The following RC3H1 variants were observed in gnomAD, a reference collection of about 807,000 sequenced individuals.
RC3H1 encodes the protein ring finger and CCCH-type domains 1.
RC3H1 carries 50 observed loss-of-function variants against 138.2 expected under a neutral mutation model. The observed-to-expected ratio is 0.36, with a 90% CI of 0.29 to 0.46. The LOEUF (loss-of-function observed/expected upper bound fraction) is 0.46, where lower values mean the gene tolerates loss of function less well. Among genes scored for constraint, RC3H1 ranks in the 20% least tolerant of loss-of-function variants. The pLI is 1.00. For missense variants in RC3H1, 1,031 were observed against 1,388.1 expected (o/e 0.74, Z 4.09); for synonymous variants, 462 against 489.1 (o/e 0.94, Z 0.73).
intron 1 of RC3H1, among the ~76,000 whole-genome samples, chr1:174,007,536 T>C (rs1661677182): frequency 6.6e-6 from 1 of 151,986 alleles, no homozygotes; most frequent in African/African-American, 2.4e-5. Context: ...TGATCATGGC[T>C]CACTGCAGCC....
chr1:173,952,464 G>A (rs1410907282), intron 13 of RC3H1, among the ~76,000 whole-genome samples: 2 of 144,536 alleles, frequency 1.4e-5, no homozygotes, highest in East Asian at 4.1e-4. Flanking sequence ...AGGATTTTAT[G>A]GGTTTGCTCA....
chr1:173,943,406 T>C, intron 18 of RC3H1, 36 bp downstream of exon 18: 1 of 1,569,250 alleles, frequency 6.4e-7, no homozygotes, highest in South Asian at 1.2e-5. Context: ...AAGATTTCAT[T>C]TCACCTTCCC....
In RC3H1 at chr1:173,972,527, T is replaced by C. The variant is rs769063051; in HGVS notation, c.1203A>G (p.Lys401=). 18 of 1,612,882 alleles carry C rather than the reference T, an allele frequency of 1.1e-5. No homozygotes were observed. In the African/African-American group the frequency reaches 2.0e-4, roughly 18 times the overall value. ...TCCTTACCTGCTGCTGATCTGCTCC[T>C]TTTTTGCTGTGGTTCTGGATATAAT... The part of the protein sequence containing the change: ...LVDYIQNHSK[K]GADQQQPPQH... Residue 401 remains lysine (K), a synonymous_variant, in exon 8 of 20, where the codon AAA becomes AAG. Coordinates refer to ENST00000367696, the MANE Select transcript of RC3H1 (RefSeq NM_172071.4).
chr1:174,002,775 T>C (rs1661584066), intron 1 of RC3H1, among the ~76,000 whole-genome samples: 1 of 152,210 alleles, frequency 6.6e-6, no homozygotes, highest in Non-Finnish European at 1.5e-5. Context: ...GTCCAATGAT[T>C]GGCAAGCCAC....
At chr1:174,004,831 G>T (rs1661625762) in intron 1 of RC3H1, among the ~76,000 whole-genome samples, 1 of 151,762 alleles carries the variant, frequency 6.6e-6, no homozygotes, top group African/African-American at 2.4e-5. Flanking sequence ...AGGGAAGATA[G>T]GGTCTTACCA....
rs374764217 is a variant in RC3H1 at position 173,961,941 on chromosome 1, G to A, written c.1986C>T (p.Tyr662=). Residue 662 remains tyrosine, a synonymous_variant, in exon 12 of 20, where the codon TAC becomes TAT. Transcript: ENST00000367696. ...NSQYGTQPQQ[Y]PPIYPSHYDG... Reference sequence around the variant, plus strand: ...CATAGTGAGATGGGTATATAGGTGGGTACTGCTGTGGCTGTGTGCCATACT... The same window carrying A: ...CATAGTGAGATGGGTATATAGGTGGATACTGCTGTGGCTGTGTGCCATACT... The A allele has an allele frequency of 1.9e-6, 3 of 1,614,106 alleles. No homozygotes were observed. The highest frequency in any genetic ancestry group is 2.5e-6 in the Non-Finnish European group (3 of 1,179,984).
intron 1 of RC3H1, among the ~76,000 whole-genome samples, chr1:174,010,964 A>G (rs1661738779): frequency 6.6e-6 from 1 of 152,198 alleles, no homozygotes; most frequent in African/African-American, 2.4e-5. Flanking sequence ...ATGAATGTCA[A>G]TCATGGGGGA....
chr1:173,941,381 CT>C lies in RC3H1; in HGVS notation c.3136-2del, dbSNP rs778979773. The C allele has an allele frequency of 1.1e-4, 182 of 1,590,308 alleles. No individual in the cohort carries two copies. The highest frequency in any genetic ancestry group is 1.5e-4 in the Non-Finnish European group (171 of 1,159,176). On this transcript the variant is annotated splice_acceptor_variant, in intron 18 of 19. Transcript: ENST00000367696. LOFTEE classifies it high-confidence loss of function. ...TCATGTCCAGAGAACACTGGTTTTCCTTTGAAAGAGAAGGAAATAAAATCAG... is the reference window on the plus strand; with the variant it reads ...TCATGTCCAGAGAACACTGGTTTTCCTTGAAAGAGAAGGAAATAAAATCAG...
At chr1:174,015,368 CT>C (rs113565337) in intron 1 of RC3H1, among the ~76,000 whole-genome samples, 176 of 142,638 alleles carry the variant, frequency 1.2e-3, no homozygotes, top group South Asian at 2.7e-3. Flanking sequence ...TTCCACTACA[CT>C]TTTTTTTTTT....
intron 9 of RC3H1, among the ~76,000 whole-genome samples, chr1:173,968,261 T>C (rs1394780156): frequency 6.6e-6 from 1 of 152,224 alleles, no homozygotes; most frequent in Non-Finnish European, 1.5e-5. Context: ...TATTTGTACC[T>C]ATTTATTCTT....
chr1:173,942,428 CAAAAAA>C lies in RC3H1; in HGVS notation c.3135+1008_3135+1013del, dbSNP rs60694243. On this transcript the variant is annotated intron_variant, in intron 18 of 19. Coordinates refer to ENST00000367696, the MANE Select transcript of RC3H1 (RefSeq NM_172071.4). Reference sequence around the variant, plus strand: ...ACCCTGGGTGACAGAGACTCAGTCTCAAAAAAAAAAAAAAAAAAAAAAGAAAAGAAA... The same window carrying C: ...ACCCTGGGTGACAGAGACTCAGTCTCAAAAAAAAAAAAAAAAGAAAAGAAA... 3.1e-3 allele frequency among the ~76,000 whole-genome samples: 119 copies of C among 38,082 alleles called. 2 individuals are homozygous for C. Among genetic ancestry groups the C allele is most frequent in the African/African-American group, 0.016 (110 of 6,990 alleles). The allele number at this position is 38,082 out of a possible 152,430, so 25.0% of individuals were successfully genotyped here. A position where few individuals can be genotyped will look rare whatever the true frequency, so the allele number is the denominator to read the frequency against.
At chr1:173,979,479 C>G (rs761729119) in intron 6 of RC3H1, among the ~76,000 whole-genome samples, 5 of 152,146 alleles carry the variant, frequency 3.3e-5, no homozygotes, top group African/African-American at 7.2e-5. Context: ...AACCCCGTCT[C>G]TACTAAAGAT....
rs763802019 is a variant in RC3H1 at position 173,961,962 on chromosome 1, A to G, written c.1965T>C (p.Tyr655=). ...GTGGGTACTGCTGTGGCTGTGTGCC[A>G]TACTGAGAGTTTACAACACGTTCTT... ...YLQERVVNSQ[Y]GTQPQQYPPI... The change falls in exon 12 of 20, where the codon TAT becomes TAC. Residue 655 remains tyrosine, a synonymous_variant. Transcript: ENST00000367696. 6.2e-7 allele frequency: 1 copy of G among 1,614,172 alleles called. No individual in the cohort carries two copies. Among genetic ancestry groups the G allele is most frequent in the Non-Finnish European group, 8.5e-7 (1 of 1,180,022 alleles).
chr1:174,003,852 G>A (rs1345932512), intron 1 of RC3H1, among the ~76,000 whole-genome samples: 3 of 151,334 alleles, frequency 2.0e-5, no homozygotes, highest in African/African-American at 4.9e-5. Context: ...TAGTAGAGAC[G>A]GGGTTTCACC....
chr1:174,002,792 C>T (rs1183793443), intron 1 of RC3H1, among the ~76,000 whole-genome samples: 1 of 152,154 alleles, frequency 6.6e-6, no homozygotes, highest in East Asian at 1.9e-4. Context: ...CCACTCCTTG[C>T]CCATATCTAT....
chr1:174,020,546 A>G (rs909130601), intron 1 of RC3H1, among the ~76,000 whole-genome samples: 1 of 152,182 alleles, frequency 6.6e-6, no homozygotes, highest in African/African-American at 2.4e-5. Context: ...AAAGAACACA[A>G]CCTATAACCC....
chr1:173,977,418 G>A (rs1468238417), intron 7 of RC3H1, among the ~76,000 whole-genome samples: 1 of 152,176 alleles, frequency 6.6e-6, no homozygotes, highest in Non-Finnish European at 1.5e-5. Flanking sequence ...CAAGTGAAAG[G>A]AAAAGATGAG....
At chr1:173,956,959 G>T (rs1659676482) in intron 13 of RC3H1, among the ~76,000 whole-genome samples, 1 of 151,694 alleles carries the variant, frequency 6.6e-6, no homozygotes, top group South Asian at 2.1e-4. Context: ...TGTCATCCAG[G>T]CTGGAGTGCA....
At chr1:173,942,314 T>A (rs1658909132) in intron 18 of RC3H1, among the ~76,000 whole-genome samples, 2 of 147,014 alleles carry the variant, frequency 1.4e-5, no homozygotes, top group Non-Finnish European at 3.0e-5. Context: ...GCACCTGTAA[T>A]CCCAGCTACT....
Sources: gnomAD v4.1 joint callset for allele counts (sites outside exome capture counted in the v4.1 genomes callset) on GRCh38, gnomAD v4.1.1 for gene constraint, MANE v1.5 for transcripts, NCBI Gene and HGNC (gene_info 2026-07-23, HGNC 2026-07-21) for gene names.